The following ZC3H18 variants were observed in gnomAD, a reference collection of about 807,000 sequenced individuals.
ZC3H18 encodes the protein zinc finger CCCH domain-containing protein 18.
A neutral mutation model predicts 106.1 loss-of-function variants in ZC3H18; 8 were observed. That is an observed-to-expected ratio of 0.08 (90% CI 0.04 to 0.14). The LOEUF is 0.14. Among genes scored for constraint, ZC3H18 ranks in the 10% least tolerant of loss-of-function variants. ZC3H18 has a pLI of 1.00. For synonymous variants in ZC3H18, 635 were observed against 522.1 expected (o/e 1.22, Z -2.95); for missense variants, 1,318 against 1,278.4 (o/e 1.03, Z -0.47).
intron 6 of ZC3H18, among the ~76,000 whole-genome samples, chr16:88,603,109 C>T (rs554729569): frequency 1.8e-4 from 28 of 151,648 alleles, no homozygotes; most frequent in Non-Finnish European, 2.8e-4. Flanking sequence ...GGACTACAGG[C>T]GCCCGCCACC....
chr16:88,628,489 G>A (rs1906455824), intron 15 of ZC3H18, among the ~76,000 whole-genome samples: 1 of 152,162 alleles, frequency 6.6e-6, no homozygotes, highest in South Asian at 2.1e-4. Flanking sequence ...GGCTTCATGG[G>A]TCCCAGGTCC....
chr16:88,603,672 G>A (rs943948369), intron 6 of ZC3H18, among the ~76,000 whole-genome samples: 6 of 149,836 alleles, frequency 4.0e-5, no homozygotes, highest in African/African-American at 9.8e-5. Flanking sequence ...GCCCAGCGTG[G>A]AGTGCAGTGG....
chr16:88,598,554 T>C lies in ZC3H18; in HGVS notation c.838-66T>C. ...CTTGTGTTGTAGTTGATGTTTTTAC[T>C]GTCTGGTTTCTCTGTACACTTGAAA... On this transcript the variant is annotated intron_variant, in intron 4 of 17. Transcript: ENST00000301011. 7 of 1,516,384 alleles carry C rather than the reference T, an allele frequency of 4.6e-6. 1 individual carries two copies. The South Asian group carries it at 8.2e-5, about 18-fold the overall frequency. The allele number at this position is 1,516,384 out of a possible 1,614,324, so 93.9% of individuals were successfully genotyped here. A position where few individuals can be genotyped will look rare whatever the true frequency, so the allele number is the denominator to read the frequency against.
chr16:88,593,712 C>T (rs1238748089), intron 3 of ZC3H18, among the ~76,000 whole-genome samples: 1 of 152,186 alleles, frequency 6.6e-6, no homozygotes, highest in Non-Finnish European at 1.5e-5. Flanking sequence ...GCAGACATGC[C>T]AGGGAATGCA....
At chr16:88,605,293 G>T (rs1904958347) in intron 6 of ZC3H18, among the ~76,000 whole-genome samples, 3 of 152,252 alleles carry the variant, frequency 2.0e-5, no homozygotes. Context: ...ATGTATGGGT[G>T]CCCAGGCATT....
At chr16:88,614,442 C>G (rs980250188) in intron 8 of ZC3H18, among the ~76,000 whole-genome samples, 1 of 152,238 alleles carries the variant, frequency 6.6e-6, no homozygotes, top group Non-Finnish European at 1.5e-5. Context: ...TGAAAGTCAG[C>G]TCTCAGGCAG....
intron 8 of ZC3H18, 49 bp downstream of exon 8, chr16:88,611,585 C>T (rs1248878598): frequency 2.0e-6 from 3 of 1,530,212 alleles, no homozygotes; most frequent in East Asian, 2.5e-5. Flanking sequence ...GTCCGGCATG[C>T]AGCTCTGTAC....
At chr16:88,617,271 C>A (rs184364919) in intron 8 of ZC3H18, among the ~76,000 whole-genome samples, 138 of 75,974 alleles carry the variant, frequency 1.8e-3, no homozygotes, top group Non-Finnish European at 3.1e-3. Context: ...TCTGGCAGGG[C>A]TTCTTGACCA....
rs553305622 is a variant in ZC3H18, at chr16:88,581,557, C to T, written c.603+3831C>T. ...CCTGCGTGGTGGGGTGGAAAGTTTC[C>T]GTACAGGGCTGGGACCAGCAGTTTG... On this transcript the variant is annotated intron_variant, in intron 2 of 17. Transcript: ENST00000301011. Among the ~76,000 whole-genome samples, 10 of 152,314 alleles carry T rather than the reference C, an allele frequency of 6.6e-5. No homozygotes were observed. In the East Asian group the frequency reaches 1.3e-3, roughly 21 times the overall value.
chr16:88,625,749 C>T (rs1261040559), intron 13 of ZC3H18: 1 of 164,886 alleles, frequency 6.1e-6, no homozygotes, highest in East Asian at 1.8e-4. Flanking sequence ...CCTGTGATCC[C>T]AGCACCGTGG....
At chr16:88,617,986 A>G (rs573013057) in intron 8 of ZC3H18, among the ~76,000 whole-genome samples, 1 of 152,362 alleles carries the variant, frequency 6.6e-6, no homozygotes, top group Non-Finnish European at 1.5e-5. Flanking sequence ...AAGAAACCCT[A>G]TTTTAGACCA....
chr16:88,601,576 C>T (rs1247189745), intron 6 of ZC3H18, among the ~76,000 whole-genome samples: 6 of 152,034 alleles, frequency 3.9e-5, no homozygotes, highest in Non-Finnish European at 7.4e-5. Context: ...AGGTGTCTCC[C>T]ATCCTGGCAC....
At chr16:88,593,730 G>C (rs1904310181) in intron 3 of ZC3H18, among the ~76,000 whole-genome samples, 2 of 152,232 alleles carry the variant, frequency 1.3e-5, no homozygotes, top group South Asian at 4.1e-4. Flanking sequence ...GCAGATCCGG[G>C]TCCTGGCAGG....
intron 2 of ZC3H18, among the ~76,000 whole-genome samples, chr16:88,585,421 C>G (rs1242563956): frequency 6.6e-6 from 1 of 152,168 alleles, no homozygotes; most frequent in Non-Finnish European, 1.5e-5. Flanking sequence ...TGGCGATGGG[C>G]CTGCCCTGGC....
intron 3 of ZC3H18, chr16:88,587,496 G>C (rs939764414): frequency 1.3e-6 from 2 of 1,488,050 alleles, no homozygotes; most frequent in South Asian, 2.4e-5. Flanking sequence ...GCCAGCCTGT[G>C]TGTGCCATCT....
chr16:88,591,645 G>C (rs368946111), intron 3 of ZC3H18, among the ~76,000 whole-genome samples: 47 of 152,324 alleles, frequency 3.1e-4, no homozygotes, highest in African/African-American at 1.0e-3. Context: ...CTCATCTGTG[G>C]GTGGACACTT....
At chr16:88,620,183 A>G (rs895070240) in intron 8 of ZC3H18, among the ~76,000 whole-genome samples, 10 of 152,234 alleles carry the variant, frequency 6.6e-5, no homozygotes, top group Non-Finnish European at 1.2e-4. Context: ...TGGTGGTTTC[A>G]TGTGTTGTCG....
chr16:88,580,372 A>G (rs7199736), intron 2 of ZC3H18, among the ~76,000 whole-genome samples: 62,777 of 151,752 alleles, frequency 0.41, 13,187 homozygotes, highest in Middle Eastern at 0.51. Flanking sequence ...GAAGGTGAGA[A>G]CCTTTGTAAT....
At chr16:88,603,459 A>G (rs1169612370) in intron 6 of ZC3H18, among the ~76,000 whole-genome samples, 1 of 151,200 alleles carries the variant, frequency 6.6e-6, no homozygotes, top group East Asian at 2.1e-4. Context: ...CATCTCTACT[A>G]AAATACAGAA....
Sources: gnomAD v4.1 joint callset for allele counts (sites outside exome capture counted in the v4.1 genomes callset) on GRCh38, gnomAD v4.1.1 for gene constraint, MANE v1.5 for transcripts, NCBI Gene and HGNC (gene_info 2026-07-23, HGNC 2026-07-21) for gene names.